Variants in IGSF21 observed in about 807,000 individuals in gnomAD.
The protein encoded by IGSF21 is immunoglobin superfamily member 21.
A neutral mutation model predicts 46.8 loss-of-function variants in IGSF21; 28 were observed. That is an observed-to-expected ratio of 0.60 (90% CI 0.44 to 0.82). IGSF21 has a LOEUF of 0.82. Among genes scored for constraint, IGSF21 ranks in the 40% least tolerant of loss-of-function variants. The probability of loss-of-function intolerance (pLI) is 0.00; values close to 1 mark genes in which losing one functional copy is unlikely to be tolerated. For missense variants in IGSF21, 624 were observed against 665.5 expected, an observed-to-expected ratio of 0.94 and a Z score of 0.69; for synonymous variants, 284 against 273.6, an observed-to-expected ratio of 1.04 and a Z score of -0.38.
intron 2 of IGSF21, among the ~76,000 whole-genome samples, chr1:18,231,866 C>A (rs1243618841): frequency 6.6e-6 from 1 of 150,714 alleles, no homozygotes; most frequent in Non-Finnish European, 1.5e-5. Flanking sequence ...GGCAAACTTG[C>A]CCTGAAATGA....
At chr1:18,255,675 C>T (rs189559663) in intron 2 of IGSF21, among the ~76,000 whole-genome samples, 1 of 152,288 alleles carries the variant, frequency 6.6e-6, no homozygotes, top group East Asian at 1.9e-4. Context: ...CCTGCTCACA[C>T]ACATTGAGAG....
At chr1:18,252,961 A>G (rs536480768) in intron 2 of IGSF21, among the ~76,000 whole-genome samples, 4 of 152,278 alleles carry the variant, frequency 2.6e-5, no homozygotes, top group African/African-American at 9.6e-5. Context: ...CTTGATACCT[A>G]GAAGATCCTC....
chr1:18,257,807 GA>G (rs953784840), intron 2 of IGSF21, among the ~76,000 whole-genome samples: 1 of 152,116 alleles, frequency 6.6e-6, no homozygotes, highest in Non-Finnish European at 1.5e-5. Flanking sequence ...CCTTTTCCTT[GA>G]GGCTCTTCTC....
At chr1:18,212,026 A>G (rs952599415) in intron 1 of IGSF21, among the ~76,000 whole-genome samples, 3 of 152,220 alleles carry the variant, frequency 2.0e-5, no homozygotes, top group Admixed American at 6.5e-5. Context: ...GCAATGTTCC[A>G]TAAGGCAGGC....
chr1:18,165,737 G>A (rs552219159), intron 1 of IGSF21, among the ~76,000 whole-genome samples: 1 of 152,310 alleles, frequency 6.6e-6, no homozygotes, highest in African/African-American at 2.4e-5. Flanking sequence ...TATGTTCTTA[G>A]CTCCCACAAT....
chr1:18,215,005 G>T (rs950510264), intron 1 of IGSF21, among the ~76,000 whole-genome samples: 16 of 152,170 alleles, frequency 1.1e-4, no homozygotes, highest in African/African-American at 3.9e-4. Flanking sequence ...CTCCCAAAGT[G>T]CCAAGATTAC....
intron 1 of IGSF21, among the ~76,000 whole-genome samples, chr1:18,139,591 G>A (rs78967040): frequency 0.14 from 21,225 of 152,238 alleles, 1,580 homozygotes; most frequent in Middle Eastern, 0.17. Context: ...GTGTGGCTCA[G>A]TGGTTATGGT....
chr1:18,183,061 G>A (rs749001898), intron 1 of IGSF21, among the ~76,000 whole-genome samples: 7 of 152,236 alleles, frequency 4.6e-5, no homozygotes, highest in East Asian at 3.9e-4. Context: ...GGCTGCCCTC[G>A]CCTCTGTAAT....
chr1:18,232,598 A>G (rs1028220839), intron 2 of IGSF21, among the ~76,000 whole-genome samples: 11 of 152,336 alleles, frequency 7.2e-5, no homozygotes, highest in Non-Finnish European at 1.3e-4. Context: ...TGACTTCTCC[A>G]GAAAGCTGTA....
At chr1:18,254,347 G>A (rs181319445) in intron 2 of IGSF21, among the ~76,000 whole-genome samples, 9 of 141,698 alleles carry the variant, frequency 6.4e-5, no homozygotes, top group South Asian at 2.6e-4. Context: ...TGAATACAGC[G>A]AATGGCTCAA....
intron 2 of IGSF21, among the ~76,000 whole-genome samples, chr1:18,230,413 A>C (rs891727409): frequency 9.2e-5 from 14 of 152,022 alleles, no homozygotes; most frequent in Non-Finnish European, 5.9e-5. Context: ...TGCACTAATT[A>C]ATTTATTTTA....
At chr1:18,247,697 G>A (rs920089271) in intron 2 of IGSF21, among the ~76,000 whole-genome samples, 9 of 152,124 alleles carry the variant, frequency 5.9e-5, no homozygotes, top group African/African-American at 2.2e-4. Context: ...ACAAGCTACT[G>A]TTTATTGAGC....
chr1:18,163,125 A>C (rs1045449981), intron 1 of IGSF21, among the ~76,000 whole-genome samples: 1 of 152,078 alleles, frequency 6.6e-6, no homozygotes, highest in South Asian at 2.1e-4. Flanking sequence ...GAGGCCGGGT[A>C]TCGTATTCTG....
At chr1:18,178,253 G>A (rs970980149) in intron 1 of IGSF21, among the ~76,000 whole-genome samples, 10 of 152,206 alleles carry the variant, frequency 6.6e-5, no homozygotes, top group East Asian at 1.9e-4. Flanking sequence ...AGATATTCTC[G>A]TTATCCCCTT....
At chr1:18,120,387 T>A (rs2086224756) in intron 1 of IGSF21, among the ~76,000 whole-genome samples, 1 of 152,094 alleles carries the variant, frequency 6.6e-6, no homozygotes, top group South Asian at 2.1e-4. Context: ...TGCCTTTGGG[T>A]CCCTTGATGG....
At chr1:18,226,877 G>C (rs531227131) in intron 1 of IGSF21, among the ~76,000 whole-genome samples, 5 of 152,226 alleles carry the variant, frequency 3.3e-5, no homozygotes, top group Admixed American at 3.3e-4. Flanking sequence ...TGGATGATCA[G>C]CCCAGGAATG....
At chr1:18,115,572 C>T (rs1557543203) in intron 1 of IGSF21, 1 of 152,170 alleles carries the variant, frequency 6.6e-6, no homozygotes, top group African/African-American at 2.4e-5. Flanking sequence ...CTCTGGAAGT[C>T]CTTTCTGGTG....
At chr1:18,162,157 C>T (rs1017732907) in intron 1 of IGSF21, among the ~76,000 whole-genome samples, 4 of 152,100 alleles carry the variant, frequency 2.6e-5, no homozygotes, top group African/African-American at 4.8e-5. Flanking sequence ...GCGATCCTCT[C>T]ACCTCAACCT....
At chr1:18,121,460 AAATTGACTTT>A (rs2086232856) in intron 1 of IGSF21, among the ~76,000 whole-genome samples, 1 of 151,884 alleles carries the variant, frequency 6.6e-6, no homozygotes, top group Non-Finnish European at 1.5e-5. Flanking sequence ...CTGACTGTTG[AAATTGACTTT>A]GATGAGGACT....
Sources: gnomAD v4.1 joint callset for allele counts (sites outside exome capture counted in the v4.1 genomes callset) on GRCh38, gnomAD v4.1.1 for gene constraint, MANE v1.5 for transcripts, NCBI Gene and HGNC (gene_info 2026-07-23, HGNC 2026-07-21) for gene names.